MYLK: variants seen among roughly 807,000 people sequenced by gnomAD.
MYLK encodes myosin light chain kinase, smooth muscle.
MYLK carries 106 observed loss-of-function variants against 203.4 expected under a neutral mutation model. The ratio of observed to expected loss-of-function variants is 0.52; its 90% CI spans 0.45 to 0.61. The LOEUF (loss-of-function observed/expected upper bound fraction) is 0.61, where lower values mean the gene tolerates loss of function less well. Among genes scored for constraint, MYLK ranks in the 20% least tolerant of loss-of-function variants. MYLK has a pLI of 0.00. For synonymous variants in MYLK, 867 were observed against 959.5 expected, an observed-to-expected ratio of 0.90 and a Z score of 1.78; for missense variants, 2,072 against 2,442.3, an observed-to-expected ratio of 0.85 and a Z score of 3.20.
intron 20 of MYLK, among the ~76,000 whole-genome samples, chr3:123,680,155 G>A (rs1489187229): frequency 6.6e-6 from 1 of 152,216 alleles, no homozygotes; most frequent in Non-Finnish European, 1.5e-5. Context: ...GACAGTGACA[G>A]CTTGCATGGG....
intron 2 of MYLK, among the ~76,000 whole-genome samples, chr3:123,846,227 T>A (rs2029965621): frequency 6.6e-6 from 1 of 152,216 alleles, no homozygotes; most frequent in Non-Finnish European, 1.5e-5. Flanking sequence ...GTAAGAACCA[T>A]TATAAACTCA....
intron 19 of MYLK, among the ~76,000 whole-genome samples, chr3:123,685,490 G>A (rs1253750619): frequency 6.6e-6 from 1 of 151,914 alleles, no homozygotes; most frequent in Non-Finnish European, 1.5e-5. Context: ...CTGCTTTGGA[G>A]GCTGAGGTGG....
intron 13 of MYLK, among the ~76,000 whole-genome samples, chr3:123,710,220 G>A (rs1280353390): frequency 6.6e-6 from 1 of 152,124 alleles, no homozygotes; most frequent in Admixed American, 6.6e-5. Flanking sequence ...GTACCAAAGA[G>A]TATGGCAAGT....
At chr3:123,678,419 G>A (rs1047783566) in intron 20 of MYLK, among the ~76,000 whole-genome samples, 2 of 152,014 alleles carry the variant, frequency 1.3e-5, no homozygotes, top group South Asian at 2.1e-4. Context: ...GTGTCTGGCC[G>A]GTTAACTTGT....
At chr3:123,745,361 T>C (rs1016082414) in intron 5 of MYLK, among the ~76,000 whole-genome samples, 1 of 152,176 alleles carries the variant, frequency 6.6e-6, no homozygotes, top group African/African-American at 2.4e-5. Context: ...TTAGGGCCAG[T>C]GGCTTAAGAA....
At chr3:123,842,250 G>A (rs2066608509) in intron 2 of MYLK, among the ~76,000 whole-genome samples, 1 of 151,872 alleles carries the variant, frequency 6.6e-6, no homozygotes, top group Non-Finnish European at 1.5e-5. Flanking sequence ...ATTAATATCA[G>A]ACAAAAGACT....
intron 2 of MYLK, among the ~76,000 whole-genome samples, chr3:123,872,574 G>T (rs2032872352): frequency 6.6e-6 from 1 of 152,280 alleles, no homozygotes; most frequent in Non-Finnish European, 1.5e-5. Context: ...TAATTTGTTA[G>T]ACTGGTTTAC....
At position 123,708,020 on chromosome 3, in the gene MYLK, G is replaced by C; in HGVS notation, c.2141-17C>G. On this transcript the variant is annotated splice_polypyrimidine_tract_variant and intron_variant, in intron 15 of 33. Transcript: ENST00000360304. ...CGTGAGGCTCTGGAAATTGGCAAAG[G>C]GCAGAGCTAAACAGGGATGTCCCTC... The C allele has an allele frequency of 6.2e-7, 1 of 1,613,800 alleles. No homozygotes were observed. Among genetic ancestry groups the C allele is most frequent in the Non-Finnish European group, 8.5e-7 (1 of 1,179,900 alleles).
intron 2 of MYLK, among the ~76,000 whole-genome samples, chr3:123,837,118 C>T (rs1420313999): frequency 6.6e-6 from 1 of 152,164 alleles, no homozygotes; most frequent in Non-Finnish European, 1.5e-5. Context: ...ACTGCAACCT[C>T]CACCTCCTGG....
intron 12 of MYLK, 148 bp downstream of exon 12, chr3:123,725,796 G>T (rs1442546555): frequency 1.7e-6 from 2 of 1,192,676 alleles, no homozygotes; most frequent in African/African-American, 1.5e-5. Context: ...CAGGATCCCA[G>T]TGCCCGTGCT....
At chr3:123,703,240 C>A (rs891409608) in intron 16 of MYLK, among the ~76,000 whole-genome samples, 1 of 152,208 alleles carries the variant, frequency 6.6e-6, no homozygotes, top group African/African-American at 2.4e-5. Flanking sequence ...GGCTCTGGGG[C>A]GCTGCTCACC....
intron 2 of MYLK, among the ~76,000 whole-genome samples, chr3:123,853,735 C>T (rs910498824): frequency 6.6e-6 from 1 of 152,160 alleles, no homozygotes; most frequent in African/African-American, 2.4e-5. Flanking sequence ...CAACCTGATG[C>T]TATAAATAAG....
At chr3:123,859,125 A>C (rs2148683775) in intron 2 of MYLK, among the ~76,000 whole-genome samples, 1 of 152,380 alleles carries the variant, frequency 6.6e-6, no homozygotes, top group Non-Finnish European at 1.5e-5. Flanking sequence ...CAACTGTAAA[A>C]AACAGGGAAA....
rs1297294037 is a variant in MYLK at position 123,625,804 on chromosome 3, C to T, written c.5238+1014G>A. On this transcript the variant is annotated intron_variant, in intron 31 of 33. Transcript: ENST00000360304. Reference sequence around the variant, plus strand: ...CCTGGGCAACAGAGCGAGACTCCATCTCAAAAAAAAAAAAAAAAGAATTGT... The same window carrying T: ...CCTGGGCAACAGAGCGAGACTCCATTTCAAAAAAAAAAAAAAAAGAATTGT... 2.7e-5 allele frequency among the ~76,000 whole-genome samples: 3 copies of T among 110,864 alleles called. No individual in the cohort carries two copies. The East Asian group carries it at 9.8e-4, about 36-fold the overall frequency. The allele number at this position is 110,864 out of a possible 152,430, so 72.7% of individuals were successfully genotyped here. A position where few individuals can be genotyped will look rare whatever the true frequency, so the allele number is the denominator to read the frequency against.
At position 123,620,196 on chromosome 3, in the gene MYLK, C is replaced by T; in HGVS notation, c.5368+11G>A. 1.2e-6 allele frequency: 2 copies of T among 1,612,566 alleles called. No homozygotes were observed. Among genetic ancestry groups the T allele is most frequent in the Non-Finnish European group, 8.5e-7 (1 of 1,178,770 alleles). Reference sequence around the variant, plus strand: ...CTTTCTCACCAGCTGGCTGGAGAAACTCCTCCTTACCTTCAGATTCTAGTT... The same window carrying T: ...CTTTCTCACCAGCTGGCTGGAGAAATTCCTCCTTACCTTCAGATTCTAGTT... On this transcript the variant is annotated intron_variant, in intron 32 of 33. Coordinates refer to ENST00000360304, the MANE Select transcript of MYLK (RefSeq NM_053025.4).
intron 4 of MYLK, among the ~76,000 whole-genome samples, chr3:123,786,300 T>C (rs2064521335): frequency 6.7e-6 from 1 of 148,482 alleles, no homozygotes; most frequent in South Asian, 2.1e-4. Context: ...TAAGACTCCA[T>C]CTCAAAAAAA....
chr3:123,872,683 G>A lies in MYLK; in HGVS notation c.-127+3876C>T, dbSNP rs559209294. Among the ~76,000 whole-genome samples the A allele has an allele frequency of 2.0e-5, 3 of 152,290 alleles. No homozygotes were observed. The East Asian group carries it at 5.8e-4, about 29-fold the overall frequency. On this transcript the variant is annotated intron_variant, in intron 2 of 33. Transcript: ENST00000360304. The stretch of plus-strand genomic sequence containing the variant: ...AAGAGATACATAGGACAAGGTATGT[G>A]AAAAGGAGCAGGGAACTTCCATGCC...
intron 5 of MYLK, among the ~76,000 whole-genome samples, chr3:123,746,829 C>T (rs1227709827): frequency 6.6e-6 from 1 of 152,080 alleles, no homozygotes; most frequent in Admixed American, 6.5e-5. Context: ...GTATATACCC[C>T]TAGAAAATGA....
At chr3:123,710,469 C>T (rs905825695) in intron 13 of MYLK, among the ~76,000 whole-genome samples, 7 of 152,128 alleles carry the variant, frequency 4.6e-5, no homozygotes, top group South Asian at 2.1e-4. Context: ...TTGTCATTTT[C>T]GATAATTATA....
Sources: allele counts gnomAD v4.1 joint callset (sites outside exome capture counted in the v4.1 genomes callset), GRCh38; gene constraint gnomAD v4.1.1; transcripts MANE v1.5; gene names NCBI Gene and HGNC (gene_info 2026-07-23, HGNC 2026-07-21).